The following GLI2 variants were observed in gnomAD, a reference collection of about 807,000 sequenced individuals.
GLI2 encodes transcription activator GLI2.
Under a neutral mutation model 78.9 loss-of-function variants are expected in GLI2, and 22 were observed. The ratio of observed to expected loss-of-function variants is 0.28; its 90% CI spans 0.20 to 0.40. The LOEUF is 0.40. Among genes scored for constraint, GLI2 ranks in the 10% least tolerant of loss-of-function variants. GLI2 has a pLI of 1.00. For missense variants in GLI2, 2,097 were observed against 2,213.2 expected (o/e 0.95, Z 1.05); for synonymous variants, 974 against 963.7 (o/e 1.01, Z -0.20).
intron 3 of GLI2, among the ~76,000 whole-genome samples, chr2:120,930,834 G>C (rs967005394): frequency 1.3e-5 from 2 of 152,198 alleles, no homozygotes; most frequent in Non-Finnish European, 2.9e-5. Context: ...GGGAGCCCTG[G>C]GCTGGGAAGG....
chr2:120,835,454 C>T (rs930159001), intron 2 of GLI2, among the ~76,000 whole-genome samples: 2 of 146,722 alleles, frequency 1.4e-5, no homozygotes, highest in African/African-American at 2.6e-5. Flanking sequence ...GGCATGATTT[C>T]GGCTCAGTGC....
At chr2:120,937,532 C>T (rs532069516) in intron 3 of GLI2, among the ~76,000 whole-genome samples, 1 of 152,154 alleles carries the variant, frequency 6.6e-6, no homozygotes, top group Admixed American at 6.5e-5. Flanking sequence ...AATACAGGAA[C>T]AGAAAGCGCT....
chr2:120,874,034 C>G (rs1314394618), intron 2 of GLI2, among the ~76,000 whole-genome samples: 1 of 152,144 alleles, frequency 6.6e-6, no homozygotes, highest in Non-Finnish European at 1.5e-5. Context: ...GTTTGCTCAT[C>G]TTCTAGGACT....
intron 3 of GLI2, among the ~76,000 whole-genome samples, chr2:120,950,678 C>G (rs1680936343): frequency 6.6e-6 from 1 of 152,252 alleles, no homozygotes; most frequent in Non-Finnish European, 1.5e-5. Context: ...AATTTCAAAA[C>G]TTGCCTTGAA....
intron 4 of GLI2, among the ~76,000 whole-genome samples, 166 bp from the exon 5 acceptor site, chr2:120,955,078 CA>C (rs1170425249): frequency 6.7e-6 from 1 of 150,152 alleles, no homozygotes; most frequent in Non-Finnish European, 1.5e-5. Flanking sequence ...AGGCCCAGCA[CA>C]GTGCAAACAG....
chr2:120,802,885 G>A (rs1684768774), intron 2 of GLI2, among the ~76,000 whole-genome samples: 1 of 152,252 alleles, frequency 6.6e-6, no homozygotes, highest in African/African-American at 2.4e-5. Flanking sequence ...CATCCCCTGG[G>A]AATTGTTAGA....
intron 5 of GLI2, among the ~76,000 whole-genome samples, chr2:120,958,336 G>A (rs866270835): frequency 5.3e-5 from 8 of 152,288 alleles, no homozygotes; most frequent in African/African-American, 1.7e-4. Context: ...CACTCTTGCA[G>A]GATTCTGTAT....
In GLI2 at chr2:120,747,100, T is replaced by C. The variant is rs529229634; in HGVS notation, c.-31+10815T>C. ...ATGTTTACCTGAAATTCTGTTTCCT[T>C]AAATAGATTCCCAAAAGTGGAATAA... is the stretch of plus-strand genomic sequence containing the variant. On this transcript the variant is annotated intron_variant, in intron 1 of 13. Coordinates refer to ENST00000361492, the MANE Select transcript of GLI2 (RefSeq NM_001374353.1). Among the ~76,000 whole-genome samples, 91 of 152,324 alleles carry C rather than the reference T, an allele frequency of 6.0e-4. 2 individuals carry two copies. The South Asian group carries it at 0.019, about 31-fold the overall frequency.
intron 2 of GLI2, among the ~76,000 whole-genome samples, chr2:120,846,842 G>A (rs887536835): frequency 2.6e-5 from 4 of 152,228 alleles, no homozygotes; most frequent in Admixed American, 6.5e-5. Flanking sequence ...AGATGGAAGC[G>A]TCCTTGTGTT....
At chr2:120,833,437 C>T (rs1366221612) in intron 2 of GLI2, among the ~76,000 whole-genome samples, 1 of 152,162 alleles carries the variant, frequency 6.6e-6, no homozygotes, top group Non-Finnish European at 1.5e-5. Flanking sequence ...CCTGGGCCTG[C>T]CTCTCACATC....
At chr2:120,792,469 A>G (rs897408221) in intron 1 of GLI2, 15 of 152,272 alleles carry the variant, frequency 9.9e-5, no homozygotes, top group Non-Finnish European at 1.8e-4. Flanking sequence ...AATGGCTAGC[A>G]TAAGTGGGAC....
chr2:120,886,292 G>T (rs1677410453), intron 2 of GLI2, among the ~76,000 whole-genome samples: 1 of 150,138 alleles, frequency 6.7e-6, no homozygotes, highest in Non-Finnish European at 1.5e-5. Context: ...TTGAGTCAGG[G>T]TCTTGCTGTT....
intron 1 of GLI2, among the ~76,000 whole-genome samples, chr2:120,774,738 T>C (rs1232113044): frequency 2.6e-5 from 4 of 152,232 alleles, no homozygotes; most frequent in Non-Finnish European, 5.9e-5. Flanking sequence ...AAGGCCTGTG[T>C]GCTCCAGTTT....
chr2:120,892,496 C>G (rs373838500), intron 2 of GLI2, among the ~76,000 whole-genome samples: 2 of 152,168 alleles, frequency 1.3e-5, no homozygotes, highest in African/African-American at 4.8e-5. Context: ...GGCCCGGTAC[C>G]AGCTTGGATG....
rs138327619 is a variant in GLI2, at chr2:120,767,691, G to A, written c.-30-29600G>A. 9.0e-3 allele frequency among the ~76,000 whole-genome samples: 1,377 copies of A among 152,272 alleles called. 13 individuals are homozygous for A. The highest frequency in any genetic ancestry group is 0.031 in the African/African-American group (1,285 of 41,566). ...CCCTCTGCCCAGCCCCCACTGCCTC[G>A]CCTGGGTCACCCTGCCCCAGCCACA... On this transcript the variant is annotated intron_variant, in intron 1 of 13. Coordinates refer to ENST00000361492, the MANE Select transcript of GLI2 (RefSeq NM_001374353.1).
At chr2:120,976,838 G>C (rs534978612) in intron 9 of GLI2, among the ~76,000 whole-genome samples, 1 of 152,330 alleles carries the variant, frequency 6.6e-6, no homozygotes, top group South Asian at 2.1e-4. Context: ...GTCTCTCTCT[G>C]TTTCTCTCTG....
intron 2 of GLI2, among the ~76,000 whole-genome samples, chr2:120,906,266 C>T (rs1386460099): frequency 1.3e-5 from 2 of 152,160 alleles, no homozygotes; most frequent in African/African-American, 2.4e-5. Context: ...TTCCCCTCTC[C>T]CTGCCTGTAC....
At chr2:120,905,299 C>T (rs543883773) in intron 2 of GLI2, among the ~76,000 whole-genome samples, 14 of 152,212 alleles carry the variant, frequency 9.2e-5, no homozygotes, top group Admixed American at 2.6e-4. Flanking sequence ...CTCTACGGGG[C>T]GCCCCACAGC....
chr2:120,817,434 T>C (rs1050866559), intron 2 of GLI2, among the ~76,000 whole-genome samples: 1 of 152,198 alleles, frequency 6.6e-6, no homozygotes, highest in Non-Finnish European at 1.5e-5. Flanking sequence ...CTTCACCCCA[T>C]TGGCCCCGCT....
Sources: allele counts gnomAD v4.1 joint callset (sites outside exome capture counted in the v4.1 genomes callset), GRCh38; gene constraint gnomAD v4.1.1; transcripts MANE v1.5; gene names NCBI Gene and HGNC (gene_info 2026-07-23, HGNC 2026-07-21).